The following RBMS1 variants were observed in gnomAD, a reference collection of about 807,000 sequenced individuals.
RBMS1 encodes the protein RNA-binding motif, single-stranded-interacting protein 1.
Under a neutral mutation model 62.3 loss-of-function variants are expected in RBMS1, and 17 were observed. That is an observed-to-expected ratio of 0.27 (90% CI 0.19 to 0.41). The LOEUF is 0.41. RBMS1 is among the 10% of genes least tolerant of loss of function. The pLI is 1.00. For synonymous variants in RBMS1, 172 were observed against 170.0 expected (o/e 1.01, Z -0.09); for missense variants, 334 against 504.5 (o/e 0.66, Z 3.24).
At chr2:160,352,614 T>C (rs562680803) in intron 2 of RBMS1, among the ~76,000 whole-genome samples, 2 of 152,148 alleles carry the variant, frequency 1.3e-5, no homozygotes, top group African/African-American at 4.8e-5. Context: ...TATAAGTGAG[T>C]CACCGATTAG....
intron 2 of RBMS1, among the ~76,000 whole-genome samples, chr2:160,337,348 GGTCTC>G (rs969224899): frequency 2.6e-5 from 4 of 151,856 alleles, no homozygotes; most frequent in Non-Finnish European, 5.9e-5. Context: ...TGGCCAGGCT[GGTCTC>G]GAATTCCTGA....
intron 1 of RBMS1, chr2:160,407,395 C>G: frequency 1.0e-6 from 1 of 985,772 alleles, no homozygotes. Context: ...GCGCGGAGCC[C>G]CTGAGCGCGG....
At chr2:160,361,622 A>G (rs1693134213) in intron 2 of RBMS1, among the ~76,000 whole-genome samples, 2 of 152,196 alleles carry the variant, frequency 1.3e-5, no homozygotes, top group Non-Finnish European at 1.5e-5. Context: ...ATGTAATAAC[A>G]TTATGTCTAA....
At chr2:160,286,261 C>A (rs1029776798) in intron 7 of RBMS1, among the ~76,000 whole-genome samples, 1 of 144,606 alleles carries the variant, frequency 6.9e-6, no homozygotes, top group African/African-American at 2.5e-5. Flanking sequence ...AACCACACCA[C>A]TGGACTCCAG....
At chr2:160,469,511 T>C (rs1017194693) in intron 1 of RBMS1, among the ~76,000 whole-genome samples, 1 of 152,178 alleles carries the variant, frequency 6.6e-6, no homozygotes, top group East Asian at 1.9e-4. Context: ...GGGTTCTAAT[T>C]TCTTCTCAGT....
At chr2:160,419,080 ATAAT>A (rs556019897) in intron 1 of RBMS1, among the ~76,000 whole-genome samples, 153 of 152,336 alleles carry the variant, frequency 1.0e-3, no homozygotes, top group Middle Eastern at 3.4e-3. Context: ...CTTGGGTGAG[ATAAT>A]TAATCACGGT....
intron 1 of RBMS1, among the ~76,000 whole-genome samples, chr2:160,470,767 G>C (rs890950204): frequency 2.0e-5 from 3 of 152,064 alleles, no homozygotes; most frequent in Non-Finnish European, 4.4e-5. Context: ...AGAGTGGGGG[G>C]GGTATGACCA....
At chr2:160,385,565 A>C (rs1053708368) in intron 1 of RBMS1, among the ~76,000 whole-genome samples, 1 of 152,022 alleles carries the variant, frequency 6.6e-6, no homozygotes, top group Admixed American at 6.6e-5. Flanking sequence ...ATCATCTGAA[A>C]CTCTAAAGAG....
intron 1 of RBMS1, among the ~76,000 whole-genome samples, chr2:160,454,833 C>A (rs1327445208): frequency 1.3e-5 from 2 of 152,206 alleles, no homozygotes; most frequent in Non-Finnish European, 2.9e-5. Context: ...ATGAAATGAG[C>A]AATTGAAATT....
chr2:160,371,242 A>G (rs1325992130), intron 1 of RBMS1, among the ~76,000 whole-genome samples: 2 of 152,228 alleles, frequency 1.3e-5, no homozygotes, highest in Non-Finnish European at 2.9e-5. Flanking sequence ...AAAAGCTTAC[A>G]AAGGGACAAA....
intron 2 of RBMS1, among the ~76,000 whole-genome samples, chr2:160,331,938 A>G (rs901723612): frequency 6.6e-6 from 1 of 152,332 alleles, no homozygotes; most frequent in East Asian, 1.9e-4. Context: ...CCACTGTGTC[A>G]GCAGAAAAAT....
intron 11 of RBMS1, 81 bp downstream of exon 11, chr2:160,278,467 T>C (rs1574200173): frequency 8.8e-7 from 1 of 1,137,314 alleles, no homozygotes; most frequent in East Asian, 2.4e-5. Context: ...ATAGAGGCTG[T>C]CATTTGATAG....
intron 4 of RBMS1, among the ~76,000 whole-genome samples, chr2:160,306,610 G>A (rs1689540457): frequency 6.6e-6 from 1 of 150,516 alleles, no homozygotes; most frequent in East Asian, 1.9e-4. Flanking sequence ...CCACAAAGTT[G>A]CAGTAATTTA....
intron 1 of RBMS1, among the ~76,000 whole-genome samples, chr2:160,462,815 C>T (rs747838212): frequency 1.3e-4 from 20 of 152,068 alleles, no homozygotes; most frequent in Non-Finnish European, 2.1e-4. Flanking sequence ...CAGCTGGTCT[C>T]GAACTCCTGA....
At chr2:160,471,717 A>ATATATATATAT (rs1422014155) in intron 1 of RBMS1, among the ~76,000 whole-genome samples, 5 of 53,936 alleles carry the variant, frequency 9.3e-5, no homozygotes, top group South Asian at 4.9e-4. Context: ...ATATATATAT[A>ATATATATATAT]ACCTTTCATA....
chr2:160,276,583 A>T (rs1286824085), intron 12 of RBMS1: 1 of 152,188 alleles, frequency 6.6e-6, no homozygotes, highest in Admixed American at 6.5e-5. Flanking sequence ...CAAATGCTAG[A>T]CTTCTTTCTT....
intron 1 of RBMS1, among the ~76,000 whole-genome samples, chr2:160,480,260 A>G (rs1157096214): frequency 6.6e-6 from 1 of 151,896 alleles, no homozygotes; most frequent in Non-Finnish European, 1.5e-5. Flanking sequence ...TCAAATAAAC[A>G]AAGAGAATAA....
At chr2:160,345,532 A>T (rs1178642250) in intron 2 of RBMS1, among the ~76,000 whole-genome samples, 1 of 152,182 alleles carries the variant, frequency 6.6e-6, no homozygotes, top group African/African-American at 2.4e-5. Context: ...GTGCATTCTT[A>T]AAGACTGGCT....
intron 1 of RBMS1, among the ~76,000 whole-genome samples, chr2:160,426,574 A>G (rs947700076): frequency 2.0e-5 from 3 of 152,234 alleles, no homozygotes; most frequent in Non-Finnish European, 4.4e-5. Flanking sequence ...TTTGTTGCCA[A>G]TTCTTATAAA....
Sources: gnomAD v4.1 joint callset for allele counts (sites outside exome capture counted in the v4.1 genomes callset) on GRCh38, gnomAD v4.1.1 for gene constraint, MANE v1.5 for transcripts, NCBI Gene and HGNC (gene_info 2026-07-23, HGNC 2026-07-21) for gene names.